DPYD: variants seen among roughly 807,000 people sequenced by gnomAD.
The protein encoded by DPYD is dihydropyrimidine dehydrogenase.
Under a neutral mutation model 116.2 loss-of-function variants are expected in DPYD, and 109 were observed. The ratio of observed to expected loss-of-function variants is 0.94; its 90% confidence interval spans 0.80 to 1.10. The LOEUF is 1.10. DPYD is among the 50% of genes least tolerant of loss of function. The pLI is 0.00. For missense variants in DPYD, 1,302 were observed against 1,254.5 expected, an observed-to-expected ratio of 1.04 and a Z score of -0.57; for synonymous variants, 440 against 432.0, an observed-to-expected ratio of 1.02 and a Z score of -0.23.
At chr1:97,815,405 G>A (rs1217682490) in intron 3 of DPYD, among the ~76,000 whole-genome samples, 1 of 152,156 alleles carries the variant, frequency 6.6e-6, no homozygotes, top group Admixed American at 6.5e-5. Flanking sequence ...TTGAAAAGAG[G>A]AGGACATAGC....
At chr1:97,328,623 T>C (rs1668826747) in intron 16 of DPYD, among the ~76,000 whole-genome samples, 1 of 152,172 alleles carries the variant, frequency 6.6e-6, no homozygotes, top group African/African-American at 2.4e-5. Context: ...TATAACTGGA[T>C]ACTATGATAA....
intron 8 of DPYD, among the ~76,000 whole-genome samples, chr1:97,606,062 G>C (rs1005268669): frequency 1.3e-5 from 2 of 151,876 alleles, no homozygotes; most frequent in African/African-American, 4.8e-5. Context: ...TGAAATTTTT[G>C]TTGCATAAAA....
At chr1:97,499,401 T>C (rs952307155) in intron 13 of DPYD, among the ~76,000 whole-genome samples, 12 of 151,818 alleles carry the variant, frequency 7.9e-5, no homozygotes, top group Admixed American at 3.9e-4. Context: ...TTTTAGAACA[T>C]TGAAAAACAC....
In DPYD at chr1:97,603,679, C is replaced by T. The variant is rs147109074; in HGVS notation, c.851-8513G>A. Among the ~76,000 whole-genome samples the T allele has an allele frequency of 2.0e-4, 30 of 152,172 alleles. No individual in the cohort carries two copies. The East Asian group carries it at 4.8e-3, about 25-fold the overall frequency. The stretch of plus-strand genomic sequence containing the variant: ...ATTGTATTAGTTACTTTCTGGAAGG[C>T]GTTTTTAAAAATTGTACTTTTACAT... On this transcript the variant is annotated intron_variant, in intron 8 of 22. Coordinates refer to ENST00000370192, the MANE Select transcript of DPYD (RefSeq NM_000110.4).
chr1:97,741,332 T>C (rs1333678184), intron 3 of DPYD, among the ~76,000 whole-genome samples: 2 of 152,156 alleles, frequency 1.3e-5, no homozygotes, highest in African/African-American at 2.4e-5. Context: ...CTCATCTGAC[T>C]CTCCTCTCCG....
intron 16 of DPYD, among the ~76,000 whole-genome samples, chr1:97,366,218 A>G (rs768389471): frequency 7.9e-5 from 12 of 152,304 alleles, no homozygotes; most frequent in Non-Finnish European, 1.5e-4. Context: ...ATGTCTATCA[A>G]ATGGCTGAGA....
intron 8 of DPYD, among the ~76,000 whole-genome samples, chr1:97,651,747 A>T (rs942059560): frequency 1.3e-5 from 2 of 152,202 alleles, no homozygotes; most frequent in African/African-American, 4.8e-5. Flanking sequence ...ACCAGATTTT[A>T]AAAATGCCAA....
At chr1:97,220,992 G>A (rs1182824264) in intron 19 of DPYD, among the ~76,000 whole-genome samples, 1 of 152,170 alleles carries the variant, frequency 6.6e-6, no homozygotes, top group African/African-American at 2.4e-5. Flanking sequence ...GAGCCCAGGA[G>A]CCCCAGAGTA....
At position 97,595,182 on chromosome 1, in the gene DPYD, T is replaced by C; in HGVS notation, c.851-16A>G. ...TCTGGCAAACCTAAGTAATCAAATT[T>C]ATAAAATATCATTAGCAGGAGGAGG... On this transcript the variant is annotated splice_polypyrimidine_tract_variant and intron_variant, in intron 8 of 22. Coordinates refer to ENST00000370192, the MANE Select transcript of DPYD (RefSeq NM_000110.4). The C allele has an allele frequency of 6.2e-7, 1 of 1,604,280 alleles. No homozygotes were observed. Among genetic ancestry groups the C allele is most frequent in the South Asian group, 1.1e-5 (1 of 90,852 alleles).
At chr1:97,828,945 A>T (rs969263162) in intron 2 of DPYD, among the ~76,000 whole-genome samples, 20 of 152,044 alleles carry the variant, frequency 1.3e-4, no homozygotes, top group East Asian at 9.6e-4. Context: ...ACTTTAAAAA[A>T]TTTTTACTAC....
chr1:97,620,548 T>C (rs2100769703), intron 8 of DPYD, among the ~76,000 whole-genome samples: 1 of 152,292 alleles, frequency 6.6e-6, no homozygotes, highest in South Asian at 2.1e-4. Flanking sequence ...CAACATCTCA[T>C]AGGTTATTAA....
chr1:97,487,550 G>GT (rs905490164), intron 13 of DPYD, among the ~76,000 whole-genome samples: 116 of 152,216 alleles, frequency 7.6e-4, no homozygotes, highest in African/African-American at 2.6e-3. Flanking sequence ...GCGGGCACCT[G>GT]TAGTCCCAGC....
At chr1:97,545,380 T>C (rs1650763076) in intron 12 of DPYD, among the ~76,000 whole-genome samples, 1 of 152,136 alleles carries the variant, frequency 6.6e-6, no homozygotes, top group Admixed American at 6.5e-5. Context: ...TTGTATTGAT[T>C]TCCAAATCAA....
At chr1:97,849,515 G>A (rs1055907156) in intron 2 of DPYD, among the ~76,000 whole-genome samples, 5 of 143,694 alleles carry the variant, frequency 3.5e-5, no homozygotes, top group Admixed American at 1.4e-4. Context: ...TTTTTTTTTC[G>A]CCAGCTGAGA....
intron 3 of DPYD, among the ~76,000 whole-genome samples, chr1:97,749,358 C>T (rs539626423): frequency 7.9e-5 from 12 of 152,278 alleles, no homozygotes; most frequent in African/African-American, 2.9e-4. Context: ...TATACATATG[C>T]TTTAAGTGTT....
At chr1:97,479,162 T>G (rs1456526782) in intron 13 of DPYD, among the ~76,000 whole-genome samples, 1 of 152,176 alleles carries the variant, frequency 6.6e-6, no homozygotes, top group African/African-American at 2.4e-5. Flanking sequence ...TTCAAGAACA[T>G]TTCCTTTGTA....
chr1:97,280,946 G>A lies in DPYD; in HGVS notation c.2299+24313C>T, dbSNP rs768918577. Among the ~76,000 whole-genome samples, 74 of 152,142 alleles carry A rather than the reference G, an allele frequency of 4.9e-4. No homozygotes were observed. In the Middle Eastern group the frequency reaches 0.01, roughly 21 times the overall value. ...GAGTGATGGATATGGTAATTACCCC[G>A]ATTTGATCATTATACAATGTATTCG... On this transcript the variant is annotated intron_variant, in intron 18 of 22. Transcript: ENST00000370192.
At chr1:97,088,219 C>A (rs897513700) in intron 21 of DPYD, among the ~76,000 whole-genome samples, 1 of 152,170 alleles carries the variant, frequency 6.6e-6, no homozygotes, top group African/African-American at 2.4e-5. Context: ...CTCTGAACTT[C>A]CTGAAATTAG....
chr1:97,832,679 T>C (rs1669593975), intron 2 of DPYD, among the ~76,000 whole-genome samples: 1 of 152,036 alleles, frequency 6.6e-6, no homozygotes, highest in South Asian at 2.1e-4. Context: ...AACTGGAAAC[T>C]AAGCATCAAA....
Sources: gnomAD v4.1 joint callset for allele counts (sites outside exome capture counted in the v4.1 genomes callset) on GRCh38, gnomAD v4.1.1 for gene constraint, MANE v1.5 for transcripts, NCBI Gene and HGNC (gene_info 2026-07-23, HGNC 2026-07-21) for gene names.